ADAMTS19: variants seen among roughly 807,000 people sequenced by gnomAD.
ADAMTS19 encodes the protein ADAM metallopeptidase with thrombospondin type 1 motif 19.
A neutral mutation model predicts 153.3 loss-of-function variants in ADAMTS19; 93 were observed. The ratio of observed to expected loss-of-function variants is 0.61; its 90% confidence interval spans 0.51 to 0.72. The LOEUF is 0.72. Ranked by LOEUF, ADAMTS19 falls within the 30% of genes least tolerant of loss-of-function variation. The pLI, the probability that ADAMTS19 is intolerant of heterozygous loss-of-function variation, is 0.00. For missense variants in ADAMTS19, 1,482 were observed against 1,552.1 expected (o/e 0.95, Z 0.76); for synonymous variants, 600 against 556.6 (o/e 1.08, Z -1.10).
At chr5:129,678,602 G>A (rs574711350) in intron 16 of ADAMTS19, among the ~76,000 whole-genome samples, 2 of 151,946 alleles carry the variant, frequency 1.3e-5, no homozygotes, top group Non-Finnish European at 2.9e-5. Context: ...GCTGTGCTCA[G>A]AAATAAACAC....
At chr5:129,481,997 T>TG (rs1389734661) in intron 2 of ADAMTS19, among the ~76,000 whole-genome samples, 1 of 152,138 alleles carries the variant, frequency 6.6e-6, no homozygotes, top group African/African-American at 2.4e-5. Flanking sequence ...ACTCTGCACC[T>TG]GCATGCATTG....
At chr5:129,537,186 C>T (rs1432147782) in intron 6 of ADAMTS19, among the ~76,000 whole-genome samples, 2 of 152,076 alleles carry the variant, frequency 1.3e-5, no homozygotes, top group Non-Finnish European at 2.9e-5. Context: ...TGCTCATCAT[C>T]GCTGGCCATC....
chr5:129,661,033 T>G (rs942517361), intron 15 of ADAMTS19, among the ~76,000 whole-genome samples: 1 of 152,212 alleles, frequency 6.6e-6, no homozygotes, highest in Non-Finnish European at 1.5e-5. Flanking sequence ...CTCTTGGCTT[T>G]GATGGATAAA....
intron 16 of ADAMTS19, among the ~76,000 whole-genome samples, chr5:129,676,907 G>A (rs750443274): frequency 3.3e-5 from 5 of 152,018 alleles, no homozygotes; most frequent in Admixed American, 6.6e-5. Flanking sequence ...GTGATCCCCA[G>A]GATTTGTAAA....
At chr5:129,479,441 G>A (rs958273598) in intron 2 of ADAMTS19, among the ~76,000 whole-genome samples, 11 of 152,078 alleles carry the variant, frequency 7.2e-5, no homozygotes, top group African/African-American at 2.4e-4. Context: ...TAATCCTGGC[G>A]CAGTCCAATA....
At chr5:129,557,325 C>T (rs1753348827) in intron 7 of ADAMTS19, among the ~76,000 whole-genome samples, 1 of 152,156 alleles carries the variant, frequency 6.6e-6, no homozygotes, top group South Asian at 2.1e-4. Context: ...TGGCCAAGCA[C>T]AGTGGCTCCT....
intron 7 of ADAMTS19, among the ~76,000 whole-genome samples, chr5:129,557,584 G>A (rs1753359194): frequency 6.6e-6 from 1 of 152,100 alleles, no homozygotes; most frequent in South Asian, 2.1e-4. Flanking sequence ...TGGCAACAGA[G>A]TGAGGCCCTG....
chr5:129,502,357 T>C (rs1581013344), intron 2 of ADAMTS19, among the ~76,000 whole-genome samples: 1 of 152,118 alleles, frequency 6.6e-6, no homozygotes. Flanking sequence ...AAAGATAGCG[T>C]GATGTGTCAA....
intron 3 of ADAMTS19, among the ~76,000 whole-genome samples, chr5:129,522,332 C>CACACACACACATATAT (rs1309115957): frequency 1.4e-4 from 8 of 58,626 alleles, no homozygotes; most frequent in Non-Finnish European, 2.0e-4. Flanking sequence ...CACACACACA[C>CACACACACACATATAT]ATATATATAT....
chr5:129,595,134 C>A lies in ADAMTS19; in HGVS notation c.1373-1425C>A, dbSNP rs187235462. Among the ~76,000 whole-genome samples the A allele has an allele frequency of 8.5e-4, 129 of 152,268 alleles. 1 individual carries two copies. Among genetic ancestry groups the A allele is most frequent in the African/African-American group, 3.1e-3 (127 of 41,572 alleles). On this transcript the variant is annotated intron_variant, in intron 7 of 22. Transcript: ENST00000274487. ...TCTACCTTTTGCTTAAAGATTACATCTCTACTTTCCTGATAGGCCTGTGGA... is the reference window on the plus strand; with the variant it reads ...TCTACCTTTTGCTTAAAGATTACATATCTACTTTCCTGATAGGCCTGTGGA...
chr5:129,656,743 T>TA (rs1012886076), intron 14 of ADAMTS19, among the ~76,000 whole-genome samples: 1 of 152,072 alleles, frequency 6.6e-6, no homozygotes, highest in African/African-American at 2.4e-5. Flanking sequence ...TATTGAACTG[T>TA]AGTATATATG....
intron 12 of ADAMTS19, 61 bp downstream of exon 12, chr5:129,647,956 A>G (rs780766613): frequency 1.9e-6 from 3 of 1,555,182 alleles, no homozygotes; most frequent in Non-Finnish European, 1.8e-6. Flanking sequence ...CAAAGGTTTT[A>G]CTGATAAAGC....
chr5:129,604,582 G>A (rs562524927), intron 8 of ADAMTS19, among the ~76,000 whole-genome samples: 2 of 152,260 alleles, frequency 1.3e-5, no homozygotes, highest in East Asian at 3.9e-4. Flanking sequence ...TATATACCAA[G>A]AAAACCTGCT....
intron 3 of ADAMTS19, among the ~76,000 whole-genome samples, chr5:129,512,253 T>C (rs887616230): frequency 2.0e-4 from 30 of 152,052 alleles, no homozygotes; most frequent in Admixed American, 1.9e-3. Context: ...TCGAGCTGAC[T>C]TAACCAGGCC....
intron 16 of ADAMTS19, among the ~76,000 whole-genome samples, chr5:129,674,963 T>G (rs184526883): frequency 6.6e-6 from 1 of 152,190 alleles, no homozygotes; most frequent in Non-Finnish European, 1.5e-5. Flanking sequence ...AAATTTTGTT[T>G]GTCTGAATAT....
At chr5:129,591,636 A>G (rs1245508832) in intron 7 of ADAMTS19, among the ~76,000 whole-genome samples, 1 of 151,880 alleles carries the variant, frequency 6.6e-6, no homozygotes, top group Admixed American at 6.6e-5. Flanking sequence ...TTGCACCTTC[A>G]CTGCTTGTCA....
At chr5:129,620,908 T>G in intron 9 of ADAMTS19, 150 bp downstream of exon 9, 1 of 701,180 alleles carries the variant, frequency 1.4e-6, no homozygotes, top group Non-Finnish European at 2.2e-6. Context: ...CATTAACTCA[T>G]GGTGTAGTTT....
At chr5:129,534,322 A>G (rs1581050553) in intron 6 of ADAMTS19, among the ~76,000 whole-genome samples, 2 of 152,308 alleles carry the variant, frequency 1.3e-5, no homozygotes, top group East Asian at 3.9e-4. Flanking sequence ...TAGAAAATCT[A>G]GAAGAAATGG....
intron 7 of ADAMTS19, among the ~76,000 whole-genome samples, chr5:129,568,822 TTAAA>T (rs1373420912): frequency 6.6e-6 from 1 of 151,852 alleles, no homozygotes; most frequent in Non-Finnish European, 1.5e-5. Context: ...ACCTTGTCTC[TTAAA>T]TAAATAAATA....
Sources: allele counts gnomAD v4.1 joint callset (sites outside exome capture counted in the v4.1 genomes callset), GRCh38; gene constraint gnomAD v4.1.1; transcripts MANE v1.5; gene names NCBI Gene and HGNC (gene_info 2026-07-23, HGNC 2026-07-21).